Variants in CHKA observed in about 807,000 individuals in gnomAD.
CHKA encodes the protein choline kinase alpha.
CHKA carries 34 observed loss-of-function variants against 60.1 expected under a neutral mutation model. That is an observed-to-expected ratio of 0.57 (90% confidence interval 0.43 to 0.75). The LOEUF (loss-of-function observed/expected upper bound fraction) is 0.75. CHKA is among the 30% of genes least tolerant of loss of function. The probability of loss-of-function intolerance (pLI) is 0.00; values close to 1 mark genes in which losing one functional copy is unlikely to be tolerated. For synonymous variants in CHKA, 217 were observed against 223.1 expected (o/e 0.97, Z 0.24); for missense variants, 563 against 561.3 (o/e 1.00, Z -0.03).
intron 1 of CHKA, among the ~76,000 whole-genome samples, chr11:68,110,286 A>T (rs1425634774): frequency 6.6e-6 from 1 of 152,238 alleles, no homozygotes; most frequent in African/African-American, 2.4e-5. Context: ...AAAGGAAATT[A>T]AAAGTATACA....
intron 2 of CHKA, among the ~76,000 whole-genome samples, chr11:68,086,389 T>C (rs1056528821): frequency 5.3e-5 from 8 of 152,186 alleles, no homozygotes; most frequent in African/African-American, 1.9e-4. Context: ...TGTCCCTTTA[T>C]TGTATTTTGT....
chr11:68,113,081 C>CAAAAAAAAAAAAA (rs71040587), intron 1 of CHKA, among the ~76,000 whole-genome samples: 18 of 14,544 alleles, frequency 1.2e-3, no homozygotes, highest in Admixed American at 1.6e-3. Context: ...GACTCCGTCT[C>CAAAAAAAAAAAAA]AAAAAAAAAA....
intron 3 of CHKA, among the ~76,000 whole-genome samples, chr11:68,075,446 T>C (rs192886883): frequency 6.6e-6 from 1 of 152,256 alleles, no homozygotes; most frequent in African/African-American, 2.4e-5. Context: ...GAAATCTCTA[T>C]GATGCTGTCT....
intron 11 of CHKA, among the ~76,000 whole-genome samples, chr11:68,059,236 G>A (rs1590830307): frequency 1.3e-5 from 2 of 152,192 alleles, no homozygotes. Flanking sequence ...GGCTGAGGAA[G>A]ATCCCCTCTA....
intron 2 of CHKA, among the ~76,000 whole-genome samples, chr11:68,083,380 A>G (rs1336610402): frequency 2.0e-5 from 3 of 152,220 alleles, no homozygotes; most frequent in Non-Finnish European, 4.4e-5. Flanking sequence ...AAAAAGTTCT[A>G]TAATCTGATA....
At chr11:68,086,878 C>A (rs969448368) in intron 2 of CHKA, among the ~76,000 whole-genome samples, 3 of 152,024 alleles carry the variant, frequency 2.0e-5, no homozygotes, top group African/African-American at 7.2e-5. Context: ...CCCAGCTACT[C>A]GGGAGGCTGA....
rs1171436180 is a variant in CHKA at position 68,100,426 on chromosome 11, C to G, written c.351-3296G>C. 2.0e-5 allele frequency among the ~76,000 whole-genome samples: 3 copies of G among 151,992 alleles called. No individual in the cohort carries two copies. The East Asian group carries it at 5.8e-4, about 29-fold the overall frequency. ...CCAACATGGTGAAACCCTGTCTCTA[C>G]TAAAAATACAAAAATTAGCCGGGCA... On this transcript the variant is annotated intron_variant, in intron 1 of 11. Transcript: ENST00000265689.
intron 1 of CHKA, among the ~76,000 whole-genome samples, chr11:68,111,436 A>G (rs565919542): frequency 6.6e-6 from 1 of 151,098 alleles, no homozygotes; most frequent in East Asian, 2.0e-4. Flanking sequence ...AAAATGAGCC[A>G]GGTATGGTGG....
chr11:68,098,271 C>CAAAAAAAAAAAAAAAAAAA (rs57972693), intron 1 of CHKA, among the ~76,000 whole-genome samples: 11 of 120,680 alleles, frequency 9.1e-5, no homozygotes, highest in Non-Finnish European at 1.5e-4. Context: ...ACTCCTATCT[C>CAAAAAAAAAAAAAAAAAAA]AAAAAAAAAA....
chr11:68,084,329 C>T (rs1479766167), intron 2 of CHKA, among the ~76,000 whole-genome samples: 1 of 136,934 alleles, frequency 7.3e-6, no homozygotes, highest in Non-Finnish European at 1.6e-5. Context: ...TATATATACA[C>T]ATATACGTAT....
At chr11:68,110,680 T>C (rs1028115599) in intron 1 of CHKA, among the ~76,000 whole-genome samples, 1 of 152,158 alleles carries the variant, frequency 6.6e-6, no homozygotes, top group Non-Finnish European at 1.5e-5. Flanking sequence ...AGTTATTTTG[T>C]GAATACCAAC....
Position 68,120,926 on chromosome 11 carries a change from C to A in CHKA, c.252G>T (p.Glu84Asp), listed in dbSNP as rs1331144342. 5.0e-6 allele frequency: 6 copies of A among 1,201,234 alleles called. No individual in the cohort carries two copies. Among genetic ancestry groups the A allele is most frequent in the Non-Finnish European group, 5.2e-6 (5 of 960,536 alleles). 74.4% of individuals were successfully genotyped at this position (1,201,234 alleles called of 1,614,324 possible). A position where few individuals can be genotyped will look rare whatever the true frequency, so the allele number is the denominator to read the frequency against. The stretch of plus-strand genomic sequence containing the variant: ...GATAGGCCCTGCGCCGCGTCCGGGG[C>A]TCCGGCTGCTCGTCTGCGGGCGGCT... Reference protein sequence around the residue: ...PPQPPADEQPEPRTRRRAYLW... With the variant: ...PPQPPADEQPDPRTRRRAYLW... The change falls in exon 1 of 12, where the codon GAG becomes GAT. Residue 84 changes from glutamate to aspartate, a missense_variant. Physicochemically the swap from Glu to Asp is conservative, Grantham distance 45. Coordinates refer to ENST00000265689, the MANE Select transcript of CHKA (RefSeq NM_001277.3).
intron 4 of CHKA, among the ~76,000 whole-genome samples, chr11:68,071,486 C>A (rs1856617379): frequency 6.6e-6 from 1 of 152,248 alleles, no homozygotes; most frequent in Non-Finnish European, 1.5e-5. Context: ...CAGCCCGAGG[C>A]CATGCTTGTT....
chr11:68,070,413 A>G, intron 5 of CHKA, 120 bp from the exon 6 acceptor site: 1 of 772,508 alleles, frequency 1.3e-6, no homozygotes, highest in East Asian at 2.6e-5. Context: ...TGCCAGTGGG[A>G]CCCCTCTGAC....
intron 4 of CHKA, among the ~76,000 whole-genome samples, chr11:68,071,762 G>C (rs927592924): frequency 1.3e-5 from 2 of 152,202 alleles, no homozygotes; most frequent in Non-Finnish European, 2.9e-5. Flanking sequence ...ATGGGAATCA[G>C]GACATGAATT....
At position 68,121,193 on chromosome 11, in the gene CHKA, G is replaced by T; in HGVS notation, c.-16C>A. ...TGGTTTTCATGCCCGACAGGCGGCCGAGGAGGCGCGGGCGGCCGCAGCGCG... is the reference window on the plus strand; with the variant it reads ...TGGTTTTCATGCCCGACAGGCGGCCTAGGAGGCGCGGGCGGCCGCAGCGCG... On this transcript the variant is annotated 5_prime_UTR_variant, in exon 1 of 12. Transcript: ENST00000265689. 1 of 1,164,124 alleles carries T rather than the reference G, an allele frequency of 8.6e-7. No homozygotes were observed. The highest frequency in any genetic ancestry group is 2.5e-5 in the South Asian group (1 of 39,606). 72.1% of individuals were successfully genotyped at this position (1,164,124 alleles called of 1,614,324 possible).
chr11:68,066,375 T>C, intron 8 of CHKA, 54 bp downstream of exon 8: 3 of 1,371,802 alleles, frequency 2.2e-6, no homozygotes, highest in Admixed American at 1.7e-5. Context: ...TAATTAAGCA[T>C]ATCGTAATGA....
At chr11:68,100,725 T>C (rs182981495) in intron 1 of CHKA, among the ~76,000 whole-genome samples, 164 of 151,504 alleles carry the variant, frequency 1.1e-3, no homozygotes, top group African/African-American at 3.8e-3. Context: ...AGGCACAAGA[T>C]ACTCAAGCAA....
intron 1 of CHKA, among the ~76,000 whole-genome samples, chr11:68,106,930 AG>A (rs1857935769): frequency 6.6e-6 from 1 of 152,132 alleles, no homozygotes; most frequent in Admixed American, 6.6e-5. Context: ...ACTAGATGCC[AG>A]CTGTACTACC....
Sources: gnomAD v4.1 joint callset for allele counts (sites outside exome capture counted in the v4.1 genomes callset) on GRCh38, gnomAD v4.1.1 for gene constraint, MANE v1.5 for transcripts, NCBI Gene and HGNC (gene_info 2026-07-23, HGNC 2026-07-21) for gene names.